Variants in NRG3 observed in about 807,000 individuals in gnomAD.
NRG3 encodes the protein neuregulin 3.
NRG3 carries 31 observed loss-of-function variants against 66.9 expected under a neutral mutation model. That is an observed-to-expected ratio of 0.46 (90% CI 0.35 to 0.63). The LOEUF is 0.63. NRG3 is among the 20% of genes least tolerant of loss of function. The pLI is 0.00. For missense variants in NRG3, 910 were observed against 878.9 expected (o/e 1.04, Z -0.45); for synonymous variants, 393 against 359.4 (o/e 1.09, Z -1.06).
At chr10:82,052,217 C>G (rs2063632064) in intron 1 of NRG3, among the ~76,000 whole-genome samples, 1 of 152,060 alleles carries the variant, frequency 6.6e-6, no homozygotes, top group Non-Finnish European at 1.5e-5. Context: ...TGTGATCTAC[C>G]TGTCTCACCA....
rs2074137259 is a variant in NRG3, at chr10:82,191,470, A to C, written c.824-167269A>C. 2.6e-5 allele frequency among the ~76,000 whole-genome samples: 4 copies of C among 152,226 alleles called. No individual in the cohort carries two copies. In the South Asian group the frequency reaches 8.3e-4, roughly 32 times the overall value. On this transcript the variant is annotated intron_variant, in intron 1 of 8. Coordinates refer to ENST00000372141, the MANE Select transcript of NRG3 (RefSeq NM_001010848.4). ...TGTTCAGCCATGGCTTTCAGAGTTCATCATTTATTTCTACATTGACAGCTA... is the reference window on the plus strand; with the variant it reads ...TGTTCAGCCATGGCTTTCAGAGTTCCTCATTTATTTCTACATTGACAGCTA...
At chr10:82,753,051 T>G (rs922583738) in intron 3 of NRG3, among the ~76,000 whole-genome samples, 6 of 152,190 alleles carry the variant, frequency 3.9e-5, no homozygotes, top group Non-Finnish European at 7.4e-5. Context: ...GAAATATATG[T>G]ACCTTTATAG....
At chr10:82,445,679 T>C (rs938031188) in intron 2 of NRG3, among the ~76,000 whole-genome samples, 2 of 152,190 alleles carry the variant, frequency 1.3e-5, no homozygotes, top group African/African-American at 4.8e-5. Flanking sequence ...ACTGATTCTA[T>C]ACCCTAAACA....
intron 2 of NRG3, among the ~76,000 whole-genome samples, chr10:82,465,477 GGAGTCC>G (rs1408177135): frequency 6.6e-6 from 1 of 152,160 alleles, no homozygotes; most frequent in Non-Finnish European, 1.5e-5. Context: ...TTCTCAGCTG[GGAGTCC>G]ACTGTTTCTG....
intron 1 of NRG3, among the ~76,000 whole-genome samples, chr10:82,239,858 T>A (rs2076930542): frequency 6.6e-6 from 1 of 152,186 alleles, no homozygotes; most frequent in Non-Finnish European, 1.5e-5. Context: ...TAATATGATC[T>A]ATTAAACAAT....
chr10:81,962,981 A>C (rs569365508), intron 1 of NRG3, among the ~76,000 whole-genome samples: 5 of 152,314 alleles, frequency 3.3e-5, no homozygotes, highest in East Asian at 1.9e-4. Context: ...TGCTCAGAGC[A>C]GTCACACAGC....
chr10:82,772,076 G>A (rs1029628080), intron 3 of NRG3, among the ~76,000 whole-genome samples: 24 of 151,880 alleles, frequency 1.6e-4, no homozygotes, highest in Admixed American at 1.6e-3. Context: ...TTTCTCTTTT[G>A]TTGAATTAAC....
intron 1 of NRG3, among the ~76,000 whole-genome samples, chr10:82,004,297 G>A (rs2061298035): frequency 6.6e-6 from 1 of 152,034 alleles, no homozygotes; most frequent in Non-Finnish European, 1.5e-5. Flanking sequence ...GTGAATTACG[G>A]TTTTAAAATT....
At chr10:82,573,064 A>G (rs1298590992) in intron 2 of NRG3, among the ~76,000 whole-genome samples, 1 of 151,858 alleles carries the variant, frequency 6.6e-6, no homozygotes, top group East Asian at 1.9e-4. Context: ...AGACAGACAC[A>G]GATAATGGCA....
intron 2 of NRG3, among the ~76,000 whole-genome samples, chr10:82,612,877 A>G (rs2048396061): frequency 6.6e-6 from 1 of 152,236 alleles, no homozygotes; most frequent in Non-Finnish European, 1.5e-5. Flanking sequence ...GCCACTGCTT[A>G]GCATGGCTGG....
At chr10:82,864,056 A>C (rs2064288102) in intron 3 of NRG3, among the ~76,000 whole-genome samples, 1 of 152,146 alleles carries the variant, frequency 6.6e-6, no homozygotes, top group Non-Finnish European at 1.5e-5. Context: ...CAAATTGATA[A>C]GGATAGAAAG....
chr10:82,944,917 C>T (rs997510861), intron 4 of NRG3, among the ~76,000 whole-genome samples: 1 of 152,168 alleles, frequency 6.6e-6, no homozygotes, highest in Non-Finnish European at 1.5e-5. Context: ...AATGTGGGCT[C>T]TCTACATGTA....
At chr10:82,216,262 C>T (rs188780199) in intron 1 of NRG3, among the ~76,000 whole-genome samples, 12 of 151,664 alleles carry the variant, frequency 7.9e-5, no homozygotes, top group Middle Eastern at 6.8e-3. Context: ...ATTACATGCA[C>T]GAACCACTGC....
chr10:81,980,368 G>C (rs567806127), intron 1 of NRG3, among the ~76,000 whole-genome samples: 5 of 152,114 alleles, frequency 3.3e-5, no homozygotes, highest in Non-Finnish European at 7.3e-5. Context: ...TATTATATCT[G>C]TAATGCCTTT....
intron 2 of NRG3, among the ~76,000 whole-genome samples, chr10:82,715,873 G>T (rs1004046755): frequency 2.0e-5 from 3 of 152,100 alleles, no homozygotes; most frequent in African/African-American, 4.8e-5. Flanking sequence ...CCTCCAGGCT[G>T]CAGACTACCA....
At chr10:81,935,269 C>T (rs1476987337) in intron 1 of NRG3, among the ~76,000 whole-genome samples, 1 of 152,080 alleles carries the variant, frequency 6.6e-6, no homozygotes, top group East Asian at 1.9e-4. Flanking sequence ...GCAAGATATT[C>T]ATGTGTCCTT....
In NRG3 at chr10:81,942,345, T is replaced by C. The variant is rs181905243; in HGVS notation, c.823+66182T>C. Among the ~76,000 whole-genome samples the C allele has an allele frequency of 4.3e-3, 659 of 152,260 alleles. 4 individuals are homozygous for C. Among genetic ancestry groups the C allele is most frequent in the African/African-American group, 0.015 (623 of 41,574 alleles). ...TTGTATATGACAGATGCTACCCGCT[T>C]TCTGAAAAGACTCATAGTCCTCAGT... On this transcript the variant is annotated intron_variant, in intron 1 of 8. Transcript: ENST00000372141.
chr10:81,878,678 TG>T (rs1252401676), intron 1 of NRG3, among the ~76,000 whole-genome samples: 1 of 152,202 alleles, frequency 6.6e-6, no homozygotes, highest in Non-Finnish European at 1.5e-5. Context: ...CATACTTTAG[TG>T]GGTCTTTCCG....
At chr10:82,141,539 A>G (rs1335827455) in intron 1 of NRG3, among the ~76,000 whole-genome samples, 2 of 152,158 alleles carry the variant, frequency 1.3e-5, no homozygotes, top group African/African-American at 2.4e-5. Flanking sequence ...GCCCAGGCTT[A>G]CTTTTTGATT....
Sources: gnomAD v4.1 joint callset for allele counts (sites outside exome capture counted in the v4.1 genomes callset) on GRCh38, gnomAD v4.1.1 for gene constraint, MANE v1.5 for transcripts, NCBI Gene and HGNC (gene_info 2026-07-23, HGNC 2026-07-21) for gene names.